Variants in FBXO46 observed in about 807,000 individuals in gnomAD.
The protein encoded by FBXO46 is F-box only protein 46.
A neutral mutation model predicts 30.7 loss-of-function variants in FBXO46; 13 were observed. The observed-to-expected ratio is 0.42, with a 90% confidence interval of 0.28 to 0.67. The LOEUF is 0.67. Among genes scored for constraint, FBXO46 ranks in the 30% least tolerant of loss-of-function variants. The pLI, the probability that FBXO46 is intolerant of heterozygous loss-of-function variation, is 0.21. For missense variants in FBXO46, 754 were observed against 871.5 expected (o/e 0.87, Z 1.70); for synonymous variants, 467 against 385.8 (o/e 1.21, Z -2.47).
chr19:45,732,467 G>C (rs1008811842), upstream of FBXO46, among the ~76,000 whole-genome samples: 41 of 137,034 alleles, frequency 3.0e-4, no homozygotes, highest in Admixed American at 6.1e-4. Context: ...TCTCAGCCGG[G>C]AGACTGGCTT....
Position 45,712,902 on chromosome 19 carries a change from A to G in FBXO46, c.594T>C (p.Pro198=). The G allele has an allele frequency of 1.2e-6, 2 of 1,612,756 alleles. No individual in the cohort carries two copies. Among genetic ancestry groups the G allele is most frequent in the Non-Finnish European group, 1.7e-6 (2 of 1,179,476 alleles). ...QSYPRPTTPA[P]VVFVSAEQGG... is the part of the protein sequence containing the mutation. ...CTTGCTCGGCGGACACAAAGACTAC[A>G]GGCGCTGGGGTGGTCGGTCGTGGGT... is the stretch of plus-strand genomic sequence containing the variant. Residue 198 remains proline, a synonymous_variant, in exon 2 of 2, where the codon CCT becomes CCC. Transcript: ENST00000317683. The surrounding 1 kb of genome is among the most constrained non-coding windows in gnomAD (Gnocchi z 8.8).
chr19:45,723,905 A>C (rs1436083136), intron 1 of FBXO46, among the ~76,000 whole-genome samples: 1 of 149,462 alleles, frequency 6.7e-6, no homozygotes, highest in East Asian at 2.0e-4. Context: ...GGAGTTCAAG[A>C]AAAAAAAAAG....
rs145753867 is a variant in FBXO46, at chr19:45,712,868, C to A, written c.628G>T (p.Ala210Ser). ...VFVSAEQGGPAKGVGSERRSG... is the reference protein window; with the variant it reads ...VFVSAEQGGPSKGVGSERRSG... Reference sequence around the variant, plus strand: ...CGCCGTTCAGATCCCACCCCCTTGGCCGGTCCACCTTGCTCGGCGGACACA... The same window carrying A: ...CGCCGTTCAGATCCCACCCCCTTGGACGGTCCACCTTGCTCGGCGGACACA... The change falls in exon 2 of 2, where the codon GCC becomes TCC. Residue 210 changes from alanine (A) to serine (S), a missense_variant. By Grantham distance (99) the Ala-to-Ser change is moderately conservative. This residue lies in a region of FBXO46 where 454 missense variants were observed against 426.5 expected (regional missense o/e 1.06). Transcript: ENST00000317683. The surrounding 1 kb of genome is among the most constrained non-coding windows in gnomAD (Gnocchi z 8.8). 1.9e-6 allele frequency: 3 copies of A among 1,613,498 alleles called. No individual in the cohort carries two copies. The highest frequency in any genetic ancestry group is 2.5e-6 in the Non-Finnish European group (3 of 1,179,732).
chr19:45,723,207 T>C (rs1453231517), intron 1 of FBXO46, among the ~76,000 whole-genome samples: 1 of 152,108 alleles, frequency 6.6e-6, no homozygotes, highest in Non-Finnish European at 1.5e-5. Context: ...ACCACATCTC[T>C]AAAATAATTT....
At position 45,713,371 on chromosome 19, in the gene FBXO46, C is replaced by G. The variant is rs775242932; in HGVS notation, c.125G>C (p.Gly42Ala). 3.1e-6 allele frequency: 5 copies of G among 1,612,146 alleles called. No individual in the cohort carries two copies. The highest frequency in any genetic ancestry group is 4.2e-6 in the Non-Finnish European group (5 of 1,179,030). Residue 42 changes from glycine to alanine, a missense_variant, in exon 2 of 2, where the codon GGC becomes GCC. Physicochemically the swap from Gly to Ala is moderately conservative, Grantham distance 60. This residue lies in a region of FBXO46 where 97 missense variants were observed against 113.0 expected (regional missense o/e 0.86). Coordinates refer to ENST00000317683, the MANE Select transcript of FBXO46 (RefSeq NM_001080469.2). This position sits in a 1 kb window ranked among gnomAD's most constrained non-coding sequence, Gnocchi z 4.7. The stretch of plus-strand genomic sequence containing the variant: ...AGGCCCATGGTCTGGCTCGGCCCCG[C>G]CACCAGGCTCAGGGCAGGCTGATGG... The part of the protein sequence containing the change: ...LKPSACPEPG[G>A]GAEPDHGPAH...
intron 1 of FBXO46, among the ~76,000 whole-genome samples, chr19:45,726,514 G>A (rs932449128): frequency 6.6e-6 from 1 of 152,032 alleles, no homozygotes; most frequent in Admixed American, 6.6e-5. Flanking sequence ...AGGGCATAGA[G>A]GTGTACACCT....
chr19:45,730,930 C>T (rs1292594193), upstream of FBXO46: 1 of 152,318 alleles, frequency 6.6e-6, no homozygotes, highest in Non-Finnish European at 1.5e-5. Context: ...GGGTTCTCGT[C>T]CCGAAGCCCG....
In FBXO46 at chr19:45,711,936, G is replaced by A; in HGVS notation, c.1560C>T (p.Ser520=). The A allele has an allele frequency of 6.2e-7, 1 of 1,613,230 alleles. No homozygotes were observed. The highest frequency in any genetic ancestry group is 1.3e-5 in the African/African-American group (1 of 75,050). Residue 520 remains serine (S), a synonymous_variant, in exon 2 of 2, where the codon AGC becomes AGT. Coordinates refer to ENST00000317683, the MANE Select transcript of FBXO46 (RefSeq NM_001080469.2). ...GATCATCGCGGTAGAGCGGGTCTCG[G>A]CTCCAGCGCGAGTCTGTGGCCCGCA... is the stretch of plus-strand genomic sequence containing the variant. ...FGVRATDSRW[S]RDPLYRDDPC...
intron 1 of FBXO46, among the ~76,000 whole-genome samples, chr19:45,726,453 T>G (rs6509234): frequency 0.86 from 131,137 of 151,956 alleles, 56,894 homozygotes; most frequent in African/African-American, 0.95. Context: ...TTTGGCACCA[T>G]CCTGGCCAAC....
At chr19:45,720,598 C>T (rs1600362784) in intron 1 of FBXO46, among the ~76,000 whole-genome samples, 1 of 152,198 alleles carries the variant, frequency 6.6e-6, no homozygotes, top group East Asian at 1.9e-4. Context: ...GCTGAAACCA[C>T]AGGTGTATAC....
chr19:45,721,553 CTTT>C (rs35101456), intron 1 of FBXO46, among the ~76,000 whole-genome samples: 4 of 110,782 alleles, frequency 3.6e-5, no homozygotes, highest in African/African-American at 3.7e-5. Context: ...GGTCCTGTTC[CTTT>C]TTTTTTTTTT....
In FBXO46 at chr19:45,712,391, C is replaced by T; in HGVS notation, c.1105G>A (p.Val369Met). The change falls in exon 2 of 2, where the codon GTG becomes ATG. Residue 369 changes from valine to methionine, a missense_variant. By Grantham distance (21) the Val-to-Met change is conservative (BLOSUM62 1). This residue lies in a region of FBXO46 where 454 missense variants were observed against 426.5 expected (regional missense o/e 1.06). Transcript: ENST00000317683. The surrounding 1 kb of genome is among the most constrained non-coding windows in gnomAD (Gnocchi z 8.8). The stretch of plus-strand genomic sequence containing the variant: ...CACTCATCTACCACGCCCGTCACCA[C>T]CACGTCCACGTGGAAGCCTGACGCT... ...CGASGFHVDV[V>M]VTGVVDECIF... 1 of 1,606,428 alleles carries T rather than the reference C, an allele frequency of 6.2e-7. No individual in the cohort carries two copies. Among genetic ancestry groups the T allele is most frequent in the South Asian group, 1.1e-5 (1 of 91,090 alleles).
Position 45,711,019 on chromosome 19 carries a change from T to G in FBXO46, c.*665A>C. On this transcript the variant is annotated 3_prime_UTR_variant, in exon 2 of 2. Transcript: ENST00000317683. ...ACGGGAGGAGGAGGGTTTTTATACTTCAGCTTTTTTTTTGTCTGCCCCCCT... is the reference window on the plus strand; with the variant it reads ...ACGGGAGGAGGAGGGTTTTTATACTGCAGCTTTTTTTTTGTCTGCCCCCCT... The G allele has an allele frequency of 4.3e-6, 1 of 232,228 alleles. No homozygotes were observed. Among genetic ancestry groups the G allele is most frequent in the Non-Finnish European group, 8.3e-6 (1 of 121,168 alleles). 14.4% of individuals were successfully genotyped at this position (232,228 alleles called of 1,614,324 possible). A position where few individuals can be genotyped will look rare whatever the true frequency, so the allele number is the denominator to read the frequency against.
chr19:45,714,547 G>A (rs1195222157), intron 1 of FBXO46: 1 of 152,264 alleles, frequency 6.6e-6, no homozygotes, highest in Non-Finnish European at 1.5e-5. Context: ...CCAGGCTGCA[G>A]GGAGCAATGA....
rs1967952134 is a variant in FBXO46 at position 45,711,158 on chromosome 19, T to A, written c.*526A>T. 2 of 404,614 alleles carry A rather than the reference T, an allele frequency of 4.9e-6. No individual in the cohort carries two copies. Among genetic ancestry groups the A allele is most frequent in the South Asian group, 3.7e-5 (2 of 54,762 alleles). The allele number at this position is 404,614 out of a possible 1,614,324, so 25.1% of individuals were successfully genotyped here. A position where few individuals can be genotyped will look rare whatever the true frequency, so the allele number is the denominator to read the frequency against. On this transcript the variant is annotated 3_prime_UTR_variant, in exon 2 of 2. Transcript: ENST00000317683. Reference sequence around the variant, plus strand: ...CTAGAAATGGACTGTCATAAAAAAATGCCAGATCCCACCTGTGACCTGACA... The same window carrying A: ...CTAGAAATGGACTGTCATAAAAAAAAGCCAGATCCCACCTGTGACCTGACA...
intron 1 of FBXO46, chr19:45,717,425 CTCAGCCAATGA>C (rs1295341290): frequency 6.6e-6 from 1 of 152,286 alleles, no homozygotes; most frequent in Non-Finnish European, 1.5e-5. Flanking sequence ...GCGTGACGCT[CTCAGCCAATGA>C]GCGGCCGCCA....
Position 45,713,730 on chromosome 19 carries a change from G to A in FBXO46, c.-78-157C>T, listed in dbSNP as rs1968040985. On this transcript the variant is annotated intron_variant, in intron 1 of 1. Coordinates refer to ENST00000317683, the MANE Select transcript of FBXO46 (RefSeq NM_001080469.2). This position sits in a 1 kb window ranked among gnomAD's most constrained non-coding sequence, Gnocchi z 4.7. ...CGCCTGTAATCCCAGCACTTTGGGA[G>A]GCTGAGGTGGGCAGATCACCTGAGG... Among the ~76,000 whole-genome samples the A allele has an allele frequency of 6.6e-6, 1 of 152,152 alleles. No homozygotes were observed. The highest frequency in any genetic ancestry group is 2.1e-4 in the South Asian group (1 of 4,830).
At chr19:45,725,497 T>C (rs1233299298) in intron 1 of FBXO46, among the ~76,000 whole-genome samples, 1 of 152,064 alleles carries the variant, frequency 6.6e-6, no homozygotes, top group Non-Finnish European at 1.5e-5. Context: ...CCCAGCAGTT[T>C]GGGCAGGTCG....
chr19:45,712,549 C>A lies in FBXO46; in HGVS notation c.947G>T (p.Arg316Leu), dbSNP rs1968003734. The change falls in exon 2 of 2, where the codon CGG becomes CTG. Residue 316 changes from arginine to leucine, a missense_variant. Arg to Leu is a moderately radical substitution (Grantham distance 102, BLOSUM62 -2). Around this residue, in one of 5 missense-constraint regions of FBXO46, gnomAD observed 454 missense variants for 426.5 expected, o/e 1.06. Coordinates refer to ENST00000317683, the MANE Select transcript of FBXO46 (RefSeq NM_001080469.2). The surrounding 1 kb of genome is among the most constrained non-coding windows in gnomAD (Gnocchi z 8.8). ...CDLYQLISPSRDALPSNVEFL... is the reference protein window; with the variant it reads ...CDLYQLISPSLDALPSNVEFL... ...CTCCACGTTGCTGGGGAGGGCATCCCGCGAGGGGCTGATGAGCTGGTATAA... is the reference window on the plus strand; with the variant it reads ...CTCCACGTTGCTGGGGAGGGCATCCAGCGAGGGGCTGATGAGCTGGTATAA... The A allele has an allele frequency of 6.3e-7, 1 of 1,597,456 alleles. No homozygotes were observed. Among genetic ancestry groups the A allele is most frequent in the Non-Finnish European group, 8.5e-7 (1 of 1,170,910 alleles).
Sources: gnomAD v4.1 joint callset for allele counts (sites outside exome capture counted in the v4.1 genomes callset) on GRCh38, gnomAD v4.1.1 for gene constraint, gnomAD v4.1.1 regional missense constraint, Gnocchi (gnomAD v3.1) non-coding constraint, MANE v1.5 for transcripts, NCBI Gene and HGNC (gene_info 2026-07-23, HGNC 2026-07-21) for gene names.